The following SLIT3 variants were observed in gnomAD, a reference collection of about 807,000 sequenced individuals.
The protein encoded by SLIT3 is slit homolog 3 protein.
A neutral mutation model predicts 184.0 loss-of-function variants in SLIT3; 68 were observed. The ratio of observed to expected loss-of-function variants is 0.37; its 90% CI spans 0.30 to 0.45. SLIT3 has a LOEUF of 0.45. Ranked by LOEUF, SLIT3 falls within the 20% of genes least tolerant of loss-of-function variation. The probability of loss-of-function intolerance (pLI) is 1.00; values close to 1 mark genes in which losing one functional copy is unlikely to be tolerated. For missense variants in SLIT3, 1,707 were observed against 2,026.0 expected (o/e 0.84, Z 3.02); for synonymous variants, 831 against 828.6 (o/e 1.00, Z -0.05).
chr5:168,979,188 T>C (rs1754868521), intron 4 of SLIT3, among the ~76,000 whole-genome samples: 1 of 152,214 alleles, frequency 6.6e-6, no homozygotes, highest in Admixed American at 6.5e-5. Context: ...AATCTCATGC[T>C]TCGGGGTTGC....
chr5:169,146,919 T>C (rs1761944642), intron 4 of SLIT3, among the ~76,000 whole-genome samples: 1 of 152,242 alleles, frequency 6.6e-6, no homozygotes, highest in Admixed American at 6.5e-5. Context: ...GTGCCTTAAG[T>C]TTCCTCATCT....
chr5:168,982,428 G>A (rs62378588), intron 4 of SLIT3, among the ~76,000 whole-genome samples: 6,178 of 152,276 alleles, frequency 0.041, 162 homozygotes, highest in Non-Finnish European at 0.057. Context: ...CTCACCAGAT[G>A]CACCCCCTTG....
chr5:169,119,253 T>C (rs1421378123), intron 4 of SLIT3, among the ~76,000 whole-genome samples: 4 of 152,192 alleles, frequency 2.6e-5, no homozygotes, highest in African/African-American at 9.7e-5. Flanking sequence ...CTATTCAAAA[T>C]TAAATCACCC....
intron 9 of SLIT3, 85 bp from the exon 10 acceptor site, chr5:168,795,663 A>G: frequency 1.9e-6 from 2 of 1,070,264 alleles, no homozygotes; most frequent in Non-Finnish European, 2.9e-6. Flanking sequence ...TCTGGCCTTA[A>G]GGACAGGGAG....
At chr5:168,831,679 TAA>T (rs1377519114) in intron 6 of SLIT3, among the ~76,000 whole-genome samples, 2 of 152,188 alleles carry the variant, frequency 1.3e-5, no homozygotes, top group Non-Finnish European at 2.9e-5. Context: ...GCGTTATTTT[TAA>T]ACACACAGCT....
chr5:168,796,251 T>G (rs1561937797), intron 9 of SLIT3, among the ~76,000 whole-genome samples: 1 of 152,142 alleles, frequency 6.6e-6, no homozygotes, highest in Non-Finnish European at 1.5e-5. Flanking sequence ...AAATGCTTCC[T>G]CTCCTATTAC....
intron 4 of SLIT3, among the ~76,000 whole-genome samples, chr5:168,948,179 C>T (rs1762546918): frequency 6.6e-6 from 1 of 152,140 alleles, no homozygotes; most frequent in Non-Finnish European, 1.5e-5. Flanking sequence ...CTCTGCCGGA[C>T]CTGACGCGCC....
At chr5:169,272,925 C>T (rs866823425) in intron 1 of SLIT3, among the ~76,000 whole-genome samples, 1 of 152,206 alleles carries the variant, frequency 6.6e-6, no homozygotes, top group African/African-American at 2.4e-5. Context: ...CTGAGTCAGT[C>T]AACCTGCTGG....
At position 169,300,858 on chromosome 5, in the gene SLIT3, G is replaced by C; in HGVS notation, c.-149C>G. 1 of 742,392 alleles carries C rather than the reference G, an allele frequency of 1.3e-6. No homozygotes were observed. Among genetic ancestry groups the C allele is most frequent in the East Asian group, 4.2e-5 (1 of 24,042 alleles). The allele number at this position is 742,392 out of a possible 1,614,324, so 46.0% of individuals were successfully genotyped here. ...GGCGAGCTCGGTGCTCAGGCGCACGGGGCGCGGGCGGAGCGGGGCGCTCCG... is the reference window on the plus strand; with the variant it reads ...GGCGAGCTCGGTGCTCAGGCGCACGCGGCGCGGGCGGAGCGGGGCGCTCCG... On this transcript the variant is annotated 5_prime_UTR_variant, in exon 1 of 36. Transcript: ENST00000519560. The surrounding 1 kb of genome is among the most constrained non-coding windows in gnomAD (Gnocchi z 4.1).
chr5:169,169,419 AAC>A (rs1432007672), intron 4 of SLIT3, among the ~76,000 whole-genome samples: 2 of 152,238 alleles, frequency 1.3e-5, no homozygotes, highest in African/African-American at 4.8e-5. Context: ...AGTGTATGAA[AAC>A]ACACATTTTT....
At chr5:169,025,615 G>A (rs1157274846) in intron 4 of SLIT3, among the ~76,000 whole-genome samples, 1 of 152,160 alleles carries the variant, frequency 6.6e-6, no homozygotes. Context: ...TGTGCTGTAA[G>A]GAAACTAAGA....
At chr5:169,123,105 A>G (rs1356991425) in intron 4 of SLIT3, among the ~76,000 whole-genome samples, 2 of 152,226 alleles carry the variant, frequency 1.3e-5, no homozygotes, top group African/African-American at 4.8e-5. Flanking sequence ...GATTAAAAAA[A>G]AAACTGCACC....
chr5:168,717,073 C>T (rs1762762564), intron 23 of SLIT3, among the ~76,000 whole-genome samples: 1 of 126,866 alleles, frequency 7.9e-6, no homozygotes, highest in South Asian at 2.9e-4. Context: ...ATGTTCTTCA[C>T]TCCCATCCCT....
chr5:168,965,171 T>C (rs1190230329), intron 4 of SLIT3, among the ~76,000 whole-genome samples: 1 of 152,234 alleles, frequency 6.6e-6, no homozygotes, highest in Non-Finnish European at 1.5e-5. Context: ...AATGATCTCC[T>C]TCATTTAGGG....
chr5:169,011,826 G>A (rs1756166593), intron 4 of SLIT3, among the ~76,000 whole-genome samples: 1 of 152,168 alleles, frequency 6.6e-6, no homozygotes, highest in African/African-American at 2.4e-5. Flanking sequence ...TATGAATCTT[G>A]TAGGAAATAA....
intron 12 of SLIT3, among the ~76,000 whole-genome samples, chr5:168,784,678 G>T (rs1332294083): frequency 6.6e-6 from 1 of 152,106 alleles, no homozygotes; most frequent in Non-Finnish European, 1.5e-5. Context: ...GAGTTCCTGG[G>T]CATCAACCAC....
chr5:169,026,136 CAG>C (rs1756814588), intron 4 of SLIT3, among the ~76,000 whole-genome samples: 1 of 152,150 alleles, frequency 6.6e-6, no homozygotes, highest in Admixed American at 6.5e-5. Flanking sequence ...GACTCCCTGG[CAG>C]AGACTGTTCA....
intron 5 of SLIT3, among the ~76,000 whole-genome samples, chr5:168,879,533 C>G (rs1749724180): frequency 6.6e-6 from 1 of 152,210 alleles, no homozygotes; most frequent in Admixed American, 6.5e-5. Flanking sequence ...CATGAAGCAT[C>G]AGCTCCTCAG....
At chr5:169,287,092 G>T (rs1237736275) in intron 1 of SLIT3, among the ~76,000 whole-genome samples, 1 of 152,210 alleles carries the variant, frequency 6.6e-6, no homozygotes, top group Non-Finnish European at 1.5e-5. Context: ...AAACAGAGCA[G>T]ATTGGTTACC....
Sources: gnomAD v4.1 joint callset for allele counts (sites outside exome capture counted in the v4.1 genomes callset) on GRCh38, gnomAD v4.1.1 for gene constraint, Gnocchi (gnomAD v3.1) non-coding constraint, MANE v1.5 for transcripts, NCBI Gene and HGNC (gene_info 2026-07-23, HGNC 2026-07-21) for gene names.